The following NR2E1 variants were observed in gnomAD, a reference collection of about 807,000 sequenced individuals.
The protein encoded by NR2E1 is nuclear receptor subfamily 2 group E member 1, also known as nuclear receptor TLX.
A neutral mutation model predicts 43.6 loss-of-function variants in NR2E1; 5 were observed. The observed-to-expected ratio is 0.11, with a 90% CI of 0.06 to 0.24. The LOEUF is 0.24. Among genes scored for constraint, NR2E1 ranks in the 10% least tolerant of loss-of-function variants. The probability of loss-of-function intolerance (pLI) is 1.00; values close to 1 mark genes in which losing one functional copy is unlikely to be tolerated. For synonymous variants in NR2E1, 191 were observed against 195.5 expected, an observed-to-expected ratio of 0.98 and a Z score of 0.19; for missense variants, 287 against 496.7, an observed-to-expected ratio of 0.58 and a Z score of 4.01.
chr6:108,182,276 T>A lies in NR2E1; in HGVS notation c.995+625T>A, dbSNP rs888579674. Among the ~76,000 whole-genome samples, 8 of 147,544 alleles carry A rather than the reference T, an allele frequency of 5.4e-5. No homozygotes were observed. In the South Asian group the frequency reaches 8.5e-4, roughly 16 times the overall value. ...AAAAAAAAAAAAGAAGCTCAAAGTG[T>A]AATGGTTGGTATGTGAGAGAGTGGC... On this transcript the variant is annotated intron_variant, in intron 8 of 8. Transcript: ENST00000368986.
intron 3 of NR2E1, among the ~76,000 whole-genome samples, chr6:108,175,728 G>A (rs1773885935): frequency 6.6e-6 from 1 of 152,200 alleles, no homozygotes. Context: ...GGGTTTTGCT[G>A]TGAGGCGGCC....
chr6:108,175,774 C>T (rs1016604264), intron 3 of NR2E1, among the ~76,000 whole-genome samples: 1 of 152,200 alleles, frequency 6.6e-6, no homozygotes, highest in African/African-American at 2.4e-5. Context: ...AGAGAGAGCC[C>T]CTTCCTCTGC....
intron 4 of NR2E1, among the ~76,000 whole-genome samples, chr6:108,177,440 C>A (rs1236017365): frequency 1.3e-5 from 2 of 152,218 alleles, no homozygotes; most frequent in Admixed American, 6.5e-5. Flanking sequence ...ACCCCCACTC[C>A]AGGCTGATGA....
At position 108,178,208 on chromosome 6, in the gene NR2E1, G is replaced by A. The variant is rs1433408950; in HGVS notation, c.609G>A (p.Val203=). ...TGAGCATCAAGTGGGCTAAGAGTGT[G>A]CCAGCCTTCTCCACGCTGTCTTTGC... ...LFMSIKWAKS[V]PAFSTLSLQD... is the part of the protein sequence containing the mutation. The change falls in exon 5 of 9, where the codon GTG becomes GTA. Residue 203 remains valine, a synonymous_variant. Transcript: ENST00000368986. The A allele has an allele frequency of 1.2e-6, 2 of 1,614,220 alleles. No individual in the cohort carries two copies. Among genetic ancestry groups the A allele is most frequent in the Non-Finnish European group, 8.5e-7 (1 of 1,180,038 alleles).
chr6:108,167,982 TA>T (rs1490203791), intron 1 of NR2E1: 32 of 1,553,210 alleles, frequency 2.1e-5, no homozygotes, highest in Non-Finnish European at 2.7e-5. Context: ...TGCTGACCTT[TA>T]AAAAATTAGA....
At chr6:108,167,554 A>G (rs1773730113) in intron 1 of NR2E1, among the ~76,000 whole-genome samples, 1 of 151,924 alleles carries the variant, frequency 6.6e-6, no homozygotes, top group South Asian at 2.1e-4. Context: ...GTGCGAGGGC[A>G]TTTGCTTGCA....
intron 8 of NR2E1, among the ~76,000 whole-genome samples, chr6:108,184,711 G>T (rs1439510866): frequency 6.6e-6 from 1 of 152,150 alleles, no homozygotes; most frequent in African/African-American, 2.4e-5. Flanking sequence ...AGGAGCTGCT[G>T]ATAGGGTGGC....
chr6:108,174,301 C>T (rs952877681), intron 2 of NR2E1, among the ~76,000 whole-genome samples: 1 of 152,170 alleles, frequency 6.6e-6, no homozygotes, highest in Non-Finnish European at 1.5e-5. Context: ...GATAGATAAA[C>T]GGGCTCTCCC....
In NR2E1 at chr6:108,169,772, C is replaced by T. The variant is rs1421210792; in HGVS notation, c.26-1686C>T. The stretch of plus-strand genomic sequence containing the variant: ...CCTCCCACAGCACAATCTCCCCTCC[C>T]GCCCTGTGGGAGGGGGGCGCCGAGC... On this transcript the variant is annotated intron_variant, in intron 1 of 8. Transcript: ENST00000368986. This position sits in a 1 kb window ranked among gnomAD's most constrained non-coding sequence, Gnocchi z 6.1. Among the ~76,000 whole-genome samples, 1 of 152,040 alleles carries T rather than the reference C, an allele frequency of 6.6e-6. No individual in the cohort carries two copies. Among genetic ancestry groups the T allele is most frequent in the Non-Finnish European group, 1.5e-5 (1 of 67,976 alleles).
intron 3 of NR2E1, among the ~76,000 whole-genome samples, chr6:108,175,360 G>A (rs1773879094): frequency 6.6e-6 from 1 of 152,374 alleles, no homozygotes; most frequent in East Asian, 1.9e-4. Context: ...TGTTGAAAAA[G>A]GGAGGGCAGA....
At chr6:108,176,150 G>T (rs1222188093) in intron 3 of NR2E1, 2 of 300,612 alleles carry the variant, frequency 6.7e-6, no homozygotes, top group Non-Finnish European at 1.3e-5. Context: ...GAGGATACCT[G>T]GCTACTCCAG....
At chr6:108,182,424 G>C (rs1657337841) in intron 8 of NR2E1, among the ~76,000 whole-genome samples, 1 of 151,978 alleles carries the variant, frequency 6.6e-6, no homozygotes, top group South Asian at 2.1e-4. Context: ...TGTTGCCCAG[G>C]CTGGAAGGCT....
chr6:108,176,120 C>A (rs1013016053), intron 3 of NR2E1: 2 of 218,580 alleles, frequency 9.1e-6, no homozygotes, highest in Non-Finnish European at 1.8e-5. Flanking sequence ...CGCGACGCTC[C>A]CTCTCTTTTG....
In NR2E1 at chr6:108,168,089, G is replaced by T. The variant is rs749449071; in HGVS notation, c.25+1299G>T. The T allele has an allele frequency of 9.4e-6, 15 of 1,603,786 alleles. No individual in the cohort carries two copies. In the South Asian group the frequency reaches 1.6e-4, roughly 17 times the overall value. On this transcript the variant is annotated intron_variant, in intron 1 of 8. Transcript: ENST00000368986. ...CCTCACCGCGGCCGGAATGCAGAGCGGACCCTGGCCCAGGACTGGGTTTCC... is the reference window on the plus strand; with the variant it reads ...CCTCACCGCGGCCGGAATGCAGAGCTGACCCTGGCCCAGGACTGGGTTTCC...
At chr6:108,167,005 C>G (rs903884947) in intron 1 of NR2E1, among the ~76,000 whole-genome samples, 1 of 152,140 alleles carries the variant, frequency 6.6e-6, no homozygotes, top group Admixed American at 6.5e-5. Context: ...TGCTTGATCC[C>G]CCCTGTCTGG....
rs1203524128 is a variant in NR2E1 at position 108,169,242 on chromosome 6, C to G, written c.26-2216C>G. On this transcript the variant is annotated intron_variant, in intron 1 of 8. Coordinates refer to ENST00000368986, the MANE Select transcript of NR2E1 (RefSeq NM_003269.5). The surrounding 1 kb of genome is among the most constrained non-coding windows in gnomAD (Gnocchi z 6.1). ...CCGGTTGCCTGTTTCTAATCTGCCCCGGGAGCCGCGGCTCAGAGGTCTGCT... is the reference window on the plus strand; with the variant it reads ...CCGGTTGCCTGTTTCTAATCTGCCCGGGGAGCCGCGGCTCAGAGGTCTGCT... Among the ~76,000 whole-genome samples the G allele has an allele frequency of 6.6e-6, 1 of 152,154 alleles. No individual in the cohort carries two copies. Among genetic ancestry groups the G allele is most frequent in the Non-Finnish European group, 1.5e-5 (1 of 68,010 alleles).
In NR2E1 at chr6:108,176,744, C is replaced by A; in HGVS notation, c.495+6C>A. 2.6e-6 allele frequency: 4 copies of A among 1,553,406 alleles called. No homozygotes were observed. Among genetic ancestry groups the A allele is most frequent in the Non-Finnish European group, 3.5e-6 (4 of 1,155,036 alleles). On this transcript the variant is annotated splice_donor_region_variant and intron_variant, in intron 4 of 8. Coordinates refer to ENST00000368986, the MANE Select transcript of NR2E1 (RefSeq NM_003269.5). ...TGGCTCAGCCCACGCCCAAGGTCAG[C>A]GGCCTTGCTGGGCCCAAAGAGACTC...
intron 8 of NR2E1, among the ~76,000 whole-genome samples, chr6:108,184,486 G>A (rs1188235192): frequency 6.6e-6 from 1 of 152,172 alleles, no homozygotes; most frequent in Admixed American, 6.5e-5. Flanking sequence ...AAAGCAATGT[G>A]GGGAGTGTGA....
intron 1 of NR2E1, among the ~76,000 whole-genome samples, chr6:108,170,864 T>C (rs1446703260): frequency 1.3e-5 from 2 of 152,180 alleles, no homozygotes; most frequent in East Asian, 1.9e-4. Context: ...ATTTTTTAAA[T>C]AGGTAAAGCG....
Sources: allele counts gnomAD v4.1 joint callset (sites outside exome capture counted in the v4.1 genomes callset), GRCh38; gene constraint gnomAD v4.1.1; non-coding constraint Gnocchi (gnomAD v3.1); transcripts MANE v1.5; gene names NCBI Gene and HGNC (gene_info 2026-07-23, HGNC 2026-07-21).